ARHGAP15: variants seen among roughly 807,000 people sequenced by gnomAD.
ARHGAP15 encodes the protein rho GTPase-activating protein 15.
Under a neutral mutation model 63.7 loss-of-function variants are expected in ARHGAP15, and 51 were observed. The observed-to-expected ratio is 0.80, with a 90% CI of 0.64 to 1.01. The LOEUF (loss-of-function observed/expected upper bound fraction) is 1.01, where lower values mean the gene tolerates loss of function less well. Among genes scored for constraint, ARHGAP15 ranks in the 50% least tolerant of loss-of-function variants. The probability of loss-of-function intolerance (pLI) is 0.00; values close to 1 mark genes in which losing one functional copy is unlikely to be tolerated. For missense variants in ARHGAP15, 560 were observed against 564.6 expected (o/e 0.99, Z 0.08); for synonymous variants, 191 against 193.8 (o/e 0.99, Z 0.12).
intron 10 of ARHGAP15, among the ~76,000 whole-genome samples, chr2:143,537,188 G>C (rs1351944273): frequency 1.3e-5 from 2 of 152,162 alleles, no homozygotes; most frequent in Non-Finnish European, 2.9e-5. Context: ...TTTGAGAAGT[G>C]TCTGTTCATA....
At chr2:143,232,971 G>A (rs552564467) in intron 5 of ARHGAP15, among the ~76,000 whole-genome samples, 1 of 152,108 alleles carries the variant, frequency 6.6e-6, no homozygotes, top group Admixed American at 6.6e-5. Context: ...TTAGCCTAGG[G>A]TTACAGCATT....
chr2:143,704,511 A>G (rs1378308033), intron 13 of ARHGAP15, among the ~76,000 whole-genome samples: 1 of 152,182 alleles, frequency 6.6e-6, no homozygotes, highest in Non-Finnish European at 1.5e-5. Context: ...AAGCGATAGT[A>G]TCGCAGAGAT....
intron 2 of ARHGAP15, among the ~76,000 whole-genome samples, chr2:143,192,358 A>T (rs1691716427): frequency 6.6e-6 from 1 of 152,244 alleles, no homozygotes; most frequent in South Asian, 2.1e-4. Context: ...TCATGCCTAC[A>T]CATGGATAAC....
At chr2:143,736,900 C>A (rs1685766766) in intron 13 of ARHGAP15, among the ~76,000 whole-genome samples, 1 of 152,210 alleles carries the variant, frequency 6.6e-6, no homozygotes, top group Admixed American at 6.5e-5. Context: ...AGATCTATCC[C>A]TACCCTCAGA....
chr2:143,193,181 A>T (rs926761170), intron 2 of ARHGAP15, among the ~76,000 whole-genome samples: 3 of 152,232 alleles, frequency 2.0e-5, no homozygotes, highest in African/African-American at 7.2e-5. Flanking sequence ...AAAGAAAAAA[A>T]ATTGTCACTT....
chr2:143,361,178 T>G (rs1227451539), intron 6 of ARHGAP15, among the ~76,000 whole-genome samples: 1 of 152,190 alleles, frequency 6.6e-6, no homozygotes, highest in Non-Finnish European at 1.5e-5. Context: ...AAAAAAAATT[T>G]TTTTTAAATG....
chr2:143,345,294 C>T (rs965536161), intron 6 of ARHGAP15, among the ~76,000 whole-genome samples: 7 of 151,954 alleles, frequency 4.6e-5, no homozygotes, highest in Non-Finnish European at 1.0e-4. Context: ...TTCAAGCTTC[C>T]CCCACATGGT....
chr2:143,713,292 G>A (rs1482853198), intron 13 of ARHGAP15, among the ~76,000 whole-genome samples: 1 of 152,116 alleles, frequency 6.6e-6, no homozygotes, highest in Non-Finnish European at 1.5e-5. Context: ...GGAAACCCCT[G>A]ACAAACCTGT....
At chr2:143,551,666 G>A (rs1360388397) in intron 10 of ARHGAP15, among the ~76,000 whole-genome samples, 1 of 152,014 alleles carries the variant, frequency 6.6e-6, no homozygotes, top group Non-Finnish European at 1.5e-5. Flanking sequence ...ATTCTTGTTT[G>A]AAAATCAAAA....
intron 6 of ARHGAP15, among the ~76,000 whole-genome samples, chr2:143,311,707 C>T (rs1390727482): frequency 6.6e-6 from 1 of 152,100 alleles, no homozygotes; most frequent in Admixed American, 6.6e-5. Flanking sequence ...GAAAAAGTAA[C>T]TCAAGTTAAC....
At chr2:143,507,932 C>G (rs1008885417) in intron 9 of ARHGAP15, among the ~76,000 whole-genome samples, 1 of 151,470 alleles carries the variant, frequency 6.6e-6, no homozygotes, top group Admixed American at 6.6e-5. Flanking sequence ...TTCACTACCC[C>G]CCTGATGAGC....
intron 12 of ARHGAP15, among the ~76,000 whole-genome samples, chr2:143,657,295 C>T (rs553861125): frequency 9.2e-5 from 14 of 152,224 alleles, no homozygotes; most frequent in Middle Eastern, 3.4e-3. Context: ...TGCAGTGAGC[C>T]GAGATCGCGC....
At chr2:143,216,698 C>T (rs1296384405) in intron 4 of ARHGAP15, among the ~76,000 whole-genome samples, 2 of 152,054 alleles carry the variant, frequency 1.3e-5, no homozygotes, top group African/African-American at 4.8e-5. Context: ...TCATAAAACA[C>T]TGAAAATAAA....
At chr2:143,168,886 T>C (rs1690653494) in intron 2 of ARHGAP15, among the ~76,000 whole-genome samples, 2 of 152,014 alleles carry the variant, frequency 1.3e-5, no homozygotes, top group South Asian at 4.2e-4. Context: ...CATTAAGAAA[T>C]GAAACAACAT....
chr2:143,630,323 C>A (rs779762328), intron 12 of ARHGAP15, among the ~76,000 whole-genome samples: 47 of 152,172 alleles, frequency 3.1e-4, no homozygotes, highest in Middle Eastern at 6.8e-3. Context: ...TATATGTACA[C>A]AATGTTACTT....
At chr2:143,645,996 G>C (rs1485554169) in intron 12 of ARHGAP15, among the ~76,000 whole-genome samples, 1 of 152,010 alleles carries the variant, frequency 6.6e-6, no homozygotes, top group Non-Finnish European at 1.5e-5. Flanking sequence ...TGGCAGTAAT[G>C]GAATTGAAAA....
intron 12 of ARHGAP15, among the ~76,000 whole-genome samples, chr2:143,664,643 A>G (rs1682050092): frequency 1.3e-5 from 2 of 151,996 alleles, no homozygotes; most frequent in Non-Finnish European, 2.9e-5. Context: ...GTTTTTTGAA[A>G]GGATCAACAA....
chr2:143,676,965 A>G (rs1228368687), intron 12 of ARHGAP15, among the ~76,000 whole-genome samples: 1 of 152,250 alleles, frequency 6.6e-6, no homozygotes, highest in Non-Finnish European at 1.5e-5. Flanking sequence ...TGTGCCTATA[A>G]TTAAATTGTA....
intron 10 of ARHGAP15, among the ~76,000 whole-genome samples, chr2:143,549,918 G>C (rs1695482956): frequency 6.6e-6 from 1 of 152,082 alleles, no homozygotes; most frequent in Admixed American, 6.6e-5. Flanking sequence ...TTGTGGGGAG[G>C]GAGAGAGTTG....
Sources: gnomAD v4.1 joint callset for allele counts (sites outside exome capture counted in the v4.1 genomes callset) on GRCh38, gnomAD v4.1.1 for gene constraint, MANE v1.5 for transcripts, NCBI Gene and HGNC (gene_info 2026-07-23, HGNC 2026-07-21) for gene names.